FADS6: variants seen among roughly 807,000 people sequenced by gnomAD.
FADS6 encodes fatty acid desaturase domain family, member 6.
In FADS6, 28 loss-of-function variants were observed where a neutral mutation model predicts 31.7. The observed-to-expected ratio is 0.88, with a 90% CI of 0.66 to 1.21. The LOEUF (loss-of-function observed/expected upper bound fraction) is 1.21. Ranked by LOEUF, FADS6 falls within the 50% of genes most tolerant of loss-of-function variation. FADS6 has a pLI of 0.00. For missense variants in FADS6, 494 were observed against 504.2 expected, an observed-to-expected ratio of 0.98 and a Z score of 0.19; for synonymous variants, 191 against 213.1, an observed-to-expected ratio of 0.90 and a Z score of 0.90.
chr17:74,879,630 C>G lies in FADS6; in HGVS notation c.781-47G>C, dbSNP rs780182681. ...CGCCGGGCAGCCTGGACCTCCCCAC[C>G]CCACTCCAGGTGTCCTGGGACCTCA... On this transcript the variant is annotated intron_variant, in intron 4 of 5. Transcript: ENST00000612771. The G allele has an allele frequency of 5.7e-6, 9 of 1,569,618 alleles. No individual in the cohort carries two copies. In the African/African-American group the frequency reaches 9.4e-5, roughly 16 times the overall value.
Position 74,879,596 on chromosome 17 carries a change from C to T in FADS6, c.781-13G>A, listed in dbSNP as rs762689461. Reference sequence around the variant, plus strand: ...GCAGTCCGATGTGCTGTGACAGACACGTGGGTCACGCCGGGCAGCCTGGAC... The same window carrying T: ...GCAGTCCGATGTGCTGTGACAGACATGTGGGTCACGCCGGGCAGCCTGGAC... On this transcript the variant is annotated splice_polypyrimidine_tract_variant and intron_variant, in intron 4 of 5. Transcript: ENST00000612771. The T allele has an allele frequency of 1.4e-5, 22 of 1,605,610 alleles. No individual in the cohort carries two copies. In the Admixed American group the frequency reaches 2.0e-4, roughly 15 times the overall value.
chr17:74,883,821 C>A (rs1353915472), intron 2 of FADS6, among the ~76,000 whole-genome samples: 1 of 152,042 alleles, frequency 6.6e-6, no homozygotes, highest in East Asian at 1.9e-4. Context: ...ATGCCCACCA[C>A]CATGCCTGGC....
intron 2 of FADS6, among the ~76,000 whole-genome samples, chr17:74,885,387 T>C (rs940127578): frequency 6.6e-6 from 1 of 152,174 alleles, no homozygotes; most frequent in Non-Finnish European, 1.5e-5. Context: ...ACTGGACTTT[T>C]TGTATTTTAC....
chr17:74,879,891 C>T (rs1311214874), intron 4 of FADS6, among the ~76,000 whole-genome samples: 5 of 152,164 alleles, frequency 3.3e-5, no homozygotes, highest in African/African-American at 7.2e-5. Flanking sequence ...GTGCCCTTGC[C>T]TCATTCTGGA....
chr17:74,892,576 C>A lies in FADS6; in HGVS notation c.358G>T (p.Ala120Ser), dbSNP rs368257887. The change falls in exon 2 of 6, where the codon GCC becomes TCC. Residue 120 changes from alanine to serine, a missense_variant. Transcript: ENST00000612771. ...VKGSHLATHGALTESKRWSKI... is the reference protein window; with the variant it reads ...VKGSHLATHGSLTESKRWSKI... ...CTCCAGCGTTTGGACTCGGTGAGGGCCCCATGAGTGGCCAGGTGGCTGCCC... is the reference window on the plus strand; with the variant it reads ...CTCCAGCGTTTGGACTCGGTGAGGGACCCATGAGTGGCCAGGTGGCTGCCC... 3 of 1,613,362 alleles carry A rather than the reference C, an allele frequency of 1.9e-6. No homozygotes were observed. The highest frequency in any genetic ancestry group is 2.2e-5 in the East Asian group (1 of 44,882).
At chr17:74,891,827 T>C (rs1429059619) in intron 2 of FADS6, among the ~76,000 whole-genome samples, 5 of 152,218 alleles carry the variant, frequency 3.3e-5, no homozygotes, top group African/African-American at 1.2e-4. Context: ...CCAGCTTTCC[T>C]ATTTATTCAT....
At chr17:74,887,846 C>A (rs960635570) in intron 2 of FADS6, among the ~76,000 whole-genome samples, 14 of 152,248 alleles carry the variant, frequency 9.2e-5, no homozygotes, top group Admixed American at 2.0e-4. Flanking sequence ...CCACCACGCC[C>A]GGCTACCTTT....
At chr17:74,884,777 G>C (rs1001910495) in intron 2 of FADS6, among the ~76,000 whole-genome samples, 1 of 151,638 alleles carries the variant, frequency 6.6e-6, no homozygotes, top group African/African-American at 2.4e-5. Context: ...GTGCGATCTC[G>C]GCTCACTGCA....
Position 74,882,694 on chromosome 17 carries a change from G to T in FADS6, c.428C>A (p.Thr143Asn). 6.2e-7 allele frequency: 1 copy of T among 1,609,944 alleles called. No individual in the cohort carries two copies. The highest frequency in any genetic ancestry group is 8.5e-7 in the Non-Finnish European group (1 of 1,178,664). Reference protein sequence around the residue: ...LFFVEVCTAFTAEHATHGHVK... With the variant: ...LFFVEVCTAFNAEHATHGHVK... ...GTGCCCATGCGTGGCGTGCTCTGCA[G>T]TGAAGGCTGTGCACACCTAGAGGAG... is the stretch of plus-strand genomic sequence containing the variant. Residue 143 changes from threonine to asparagine, a missense_variant, in exon 3 of 6, where the codon ACT becomes AAT. Transcript: ENST00000612771.
rs772877821 is a variant in FADS6, at chr17:74,877,755, G to A, written c.*576C>T. 69 of 985,532 alleles carry A rather than the reference G, an allele frequency of 7.0e-5. No homozygotes were observed. The highest frequency in any genetic ancestry group is 8.2e-5 in the Non-Finnish European group (68 of 830,106). 61.0% of individuals were successfully genotyped at this position (985,532 alleles called of 1,614,324 possible). A position where few individuals can be genotyped will look rare whatever the true frequency, so the allele number is the denominator to read the frequency against. ...TGCTGATACTGTGGCCTGGGGAACT[G>A]CTGAGCCAGTGTCTTGCACAGGTTC... On this transcript the variant is annotated 3_prime_UTR_variant, in exon 6 of 6. Coordinates refer to ENST00000612771, the MANE Select transcript of FADS6 (RefSeq NM_178128.6).
chr17:74,881,205 T>A lies in FADS6; in HGVS notation c.643A>T (p.Ile215Phe). 6.2e-7 allele frequency: 1 copy of A among 1,610,672 alleles called. No individual in the cohort carries two copies. The highest frequency in any genetic ancestry group is 8.5e-7 in the Non-Finnish European group (1 of 1,178,512). The change falls in exon 4 of 6, where the codon ATT becomes TTT. Residue 215 changes from isoleucine (I) to phenylalanine (F), a missense_variant. This residue lies in a region of FADS6 where 454 missense variants were observed against 438.5 expected (regional missense o/e 1.04). Coordinates refer to ENST00000612771, the MANE Select transcript of FADS6 (RefSeq NM_178128.6). ...LGTALRTLAL[I>F]SLGLYSHYWL... is the part of the protein sequence containing the mutation. ...TAGTGAGAATAAAGGCCCAGAGAAATCAGGGCCAGCGTCCGCAGGGCTGTC... is the reference window on the plus strand; with the variant it reads ...TAGTGAGAATAAAGGCCCAGAGAAAACAGGGCCAGCGTCCGCAGGGCTGTC...
In FADS6 at chr17:74,878,730, A is replaced by G. The variant is rs141311491; in HGVS notation, c.961-253T>C. Among the ~76,000 whole-genome samples, 10 of 152,298 alleles carry G rather than the reference A, an allele frequency of 6.6e-5. No individual in the cohort carries two copies. The East Asian group carries it at 1.9e-3, about 29-fold the overall frequency. On this transcript the variant is annotated intron_variant, in intron 5 of 5. Transcript: ENST00000612771. ...GCCCTCCTTGGCACAGGGGGATAAA[A>G]ACCAGAGCTCCCTTTTACCAAGCAC...
intron 2 of FADS6, among the ~76,000 whole-genome samples, chr17:74,891,765 G>T (rs1173526644): frequency 6.6e-6 from 1 of 152,174 alleles, no homozygotes; most frequent in Admixed American, 6.5e-5. Context: ...CTTAATAATT[G>T]AGTTAATTGG....
At chr17:74,874,852 A>T (rs35880761), downstream of FADS6, among the ~76,000 whole-genome samples, 1 of 152,146 alleles carries the variant, frequency 6.6e-6, no homozygotes, top group Non-Finnish European at 1.5e-5. Flanking sequence ...GTCTATGGCT[A>T]TATTTGTGCT....
chr17:74,884,804 T>A (rs1398570840), intron 2 of FADS6, among the ~76,000 whole-genome samples: 1 of 151,602 alleles, frequency 6.6e-6, no homozygotes, highest in Non-Finnish European at 1.5e-5. Flanking sequence ...ACCTCCCGGG[T>A]TCAAGCGATT....
chr17:74,879,258 A>T (rs575058699), intron 5 of FADS6, 146 bp downstream of exon 5: 2 of 1,024,108 alleles, frequency 2.0e-6, no homozygotes, highest in Admixed American at 5.9e-5. Flanking sequence ...GCTGCTCTCA[A>T]ACTCCTGGGC....
chr17:74,885,667 C>CCTA (rs1423921212), intron 2 of FADS6, among the ~76,000 whole-genome samples: 1 of 152,018 alleles, frequency 6.6e-6, no homozygotes, highest in Non-Finnish European at 1.5e-5. Flanking sequence ...ACAACCACCA[C>CCTA]CTACACCCTC....
At chr17:74,876,594 C>T (rs533181509), downstream of FADS6, among the ~76,000 whole-genome samples, 212 of 152,000 alleles carry the variant, frequency 1.4e-3, 1 homozygote, top group Middle Eastern at 3.2e-3. Context: ...CTCAGGAGTT[C>T]GAGACCAGCT....
At chr17:74,878,878 T>A (rs913694882) in intron 5 of FADS6, among the ~76,000 whole-genome samples, 2 of 152,172 alleles carry the variant, frequency 1.3e-5, no homozygotes, top group African/African-American at 4.8e-5. Flanking sequence ...TCAGTTCACT[T>A]GTCCAGTCGC....
Sources: gnomAD v4.1 joint callset for allele counts (sites outside exome capture counted in the v4.1 genomes callset) on GRCh38, gnomAD v4.1.1 for gene constraint, gnomAD v4.1.1 regional missense constraint, MANE v1.5 for transcripts, NCBI Gene and HGNC (gene_info 2026-07-23, HGNC 2026-07-21) for gene names.